P2RY6: variants seen among roughly 807,000 people sequenced by gnomAD.
P2RY6 encodes the protein pyrimidinergic receptor P2Y6.
P2RY6 carries 19 observed loss-of-function variants against 16.3 expected under a neutral mutation model. The ratio of observed to expected loss-of-function variants is 1.16; its 90% CI spans 0.81 to 1.71. The LOEUF is 1.71. Ranked by LOEUF, P2RY6 falls within the 40% of genes most tolerant of loss-of-function variation. P2RY6 has a pLI of 0.00. For missense variants in P2RY6, 389 were observed against 455.5 expected, an observed-to-expected ratio of 0.85 and a Z score of 1.33; for synonymous variants, 184 against 201.5, an observed-to-expected ratio of 0.91 and a Z score of 0.74.
In P2RY6 at chr11:73,297,687, C is replaced by T. The variant is rs1247739479; in HGVS notation, c.*182C>T. ...TTCAGCCCCTTCTCTGGCCCAGACC[C>T]TGTGGGCATGGAGATGGACAGACCT... On this transcript the variant is annotated 3_prime_UTR_variant, in exon 3 of 3. Transcript: ENST00000540124. 1 of 620,586 alleles carries T rather than the reference C, an allele frequency of 1.6e-6. No homozygotes were observed. Among genetic ancestry groups the T allele is most frequent in the Non-Finnish European group, 2.9e-6 (1 of 344,708 alleles). 38.4% of individuals were successfully genotyped at this position (620,586 alleles called of 1,614,324 possible).
chr11:73,292,970 G>C (rs1213174299), intron 1 of P2RY6: 1 of 420,268 alleles, frequency 2.4e-6, no homozygotes, highest in Non-Finnish European at 3.2e-6. Context: ...GGGTTGCGGG[G>C]GGTGGGGGGG....
chr11:73,271,155 G>C (rs1268430436), upstream of P2RY6, among the ~76,000 whole-genome samples: 2 of 152,112 alleles, frequency 1.3e-5, no homozygotes, highest in East Asian at 1.9e-4. Context: ...TCTTACAGAC[G>C]GGGAGGGCCC....
intron 1 of P2RY6, among the ~76,000 whole-genome samples, chr11:73,292,258 C>T (rs1274596653): frequency 6.6e-6 from 1 of 152,198 alleles, no homozygotes; most frequent in Non-Finnish European, 1.5e-5. Flanking sequence ...ATAGTAGGTA[C>T]TCGATAAGTG....
intron 1 of P2RY6, among the ~76,000 whole-genome samples, chr11:73,282,196 A>C (rs1012814554): frequency 6.6e-6 from 1 of 152,110 alleles, no homozygotes; most frequent in African/African-American, 2.4e-5. Context: ...TGGTCCCTGG[A>C]GCCTCCCCAT....
At chr11:73,296,117 A>C (rs1864462921) in intron 2 of P2RY6, among the ~76,000 whole-genome samples, 1 of 152,002 alleles carries the variant, frequency 6.6e-6, no homozygotes. Flanking sequence ...CAAATGCATA[A>C]CAGAGTTGGG....
intron 1 of P2RY6, among the ~76,000 whole-genome samples, chr11:73,274,981 T>C (rs1369170943): frequency 6.6e-6 from 1 of 152,334 alleles, no homozygotes; most frequent in South Asian, 2.1e-4. Context: ...TGCCCCGGCA[T>C]GGGGTGATAT....
At chr11:73,274,069 C>T (rs1175186411) in intron 1 of P2RY6, among the ~76,000 whole-genome samples, 1 of 152,166 alleles carries the variant, frequency 6.6e-6, no homozygotes, top group Non-Finnish European at 1.5e-5. Flanking sequence ...AACTGCTGGC[C>T]TCAAGTGCCA....
chr11:73,291,367 C>G (rs1056197945), intron 1 of P2RY6, among the ~76,000 whole-genome samples: 2 of 152,180 alleles, frequency 1.3e-5, no homozygotes, highest in Non-Finnish European at 2.9e-5. Flanking sequence ...GGACAGTGAC[C>G]CGCCCTGCTG....
intron 1 of P2RY6, among the ~76,000 whole-genome samples, chr11:73,279,403 G>T (rs1218343793): frequency 6.6e-6 from 1 of 152,146 alleles, no homozygotes; most frequent in Non-Finnish European, 1.5e-5. Flanking sequence ...ATTTGCTGTT[G>T]TTGCTGTTCT....
At chr11:73,269,300 C>G (rs1420214192), upstream of P2RY6, among the ~76,000 whole-genome samples, 1 of 152,140 alleles carries the variant, frequency 6.6e-6, no homozygotes, top group Non-Finnish European at 1.5e-5. Flanking sequence ...CACTCCTCCC[C>G]TCCCCGTGAG....
intron 1 of P2RY6, among the ~76,000 whole-genome samples, chr11:73,266,277 T>C (rs1046718827): frequency 3.9e-5 from 6 of 152,076 alleles, no homozygotes; most frequent in African/African-American, 1.2e-4. Flanking sequence ...AAGCCTGGGA[T>C]GGAGCGTGGG....
At position 73,282,426 on chromosome 11, in the gene P2RY6, G is replaced by A. The variant is rs569556503; in HGVS notation, c.-121+9960G>A. Among the ~76,000 whole-genome samples the A allele has an allele frequency of 2.0e-5, 3 of 152,272 alleles. No homozygotes were observed. The South Asian group carries it at 6.2e-4, about 32-fold the overall frequency. On this transcript the variant is annotated intron_variant, in intron 1 of 2. Coordinates refer to ENST00000540124, the MANE Select transcript of P2RY6 (RefSeq NM_001277204.2). The stretch of plus-strand genomic sequence containing the variant: ...GGCATTTTGAGGCCTGTTGGGCCTG[G>A]CCCTAATGACCCCACAGCCTTACCT...
At chr11:73,277,843 G>A (rs942794567) in intron 1 of P2RY6, among the ~76,000 whole-genome samples, 1 of 152,200 alleles carries the variant, frequency 6.6e-6, no homozygotes, top group Non-Finnish European at 1.5e-5. Flanking sequence ...AAGGCTGTCT[G>A]CTCTACAGAT....
intron 1 of P2RY6, among the ~76,000 whole-genome samples, chr11:73,286,514 G>A (rs1247705476): frequency 6.6e-6 from 1 of 150,656 alleles, no homozygotes; most frequent in African/African-American, 2.4e-5. Context: ...TGCTACTCCT[G>A]AACCCATTAC....
rs1034112785 is a variant in P2RY6, at chr11:73,284,705, G to A, written c.-120-11025G>A. On this transcript the variant is annotated intron_variant, in intron 1 of 2. Coordinates refer to ENST00000540124, the MANE Select transcript of P2RY6 (RefSeq NM_001277204.2). ...TCAAGCCAAGACCCCCGTGCACCCA[G>A]TCCTCTCTGTGTAGACATAATTGAA... is the stretch of plus-strand genomic sequence containing the variant. Among the ~76,000 whole-genome samples, 3 of 152,206 alleles carry A rather than the reference G, an allele frequency of 2.0e-5. No individual in the cohort carries two copies. The South Asian group carries it at 6.2e-4, about 32-fold the overall frequency.
At chr11:73,285,953 A>T (rs1863955303) in intron 1 of P2RY6, among the ~76,000 whole-genome samples, 7 of 152,206 alleles carry the variant, frequency 4.6e-5, no homozygotes, top group Admixed American at 4.6e-4. Flanking sequence ...AGCAGTCACT[A>T]GGGACAGATC....
chr11:73,284,602 G>A (rs1164632226), intron 1 of P2RY6, among the ~76,000 whole-genome samples: 2 of 152,196 alleles, frequency 1.3e-5, no homozygotes, highest in East Asian at 1.9e-4. Flanking sequence ...TGGTGCTCAC[G>A]TTTAATCTCT....
upstream of P2RY6, chr11:73,272,061 C>T (rs1863335507): frequency 6.6e-6 from 1 of 152,296 alleles, no homozygotes; most frequent in Admixed American, 6.5e-5. Context: ...GCGTGCCTTC[C>T]CTGTGCCAGG....
upstream of P2RY6, chr11:73,270,294 A>T (rs1863246379): frequency 1.3e-5 from 2 of 152,192 alleles, no homozygotes; most frequent in Admixed American, 1.3e-4. Context: ...GTTGCAAGGA[A>T]AATGCCTTCA....
Sources: allele counts gnomAD v4.1 joint callset (sites outside exome capture counted in the v4.1 genomes callset), GRCh38; gene constraint gnomAD v4.1.1; transcripts MANE v1.5; gene names NCBI Gene and HGNC (gene_info 2026-07-23, HGNC 2026-07-21).